Variants in SND1 observed in about 807,000 individuals in gnomAD.
SND1 encodes the protein staphylococcal nuclease domain-containing protein 1.
In SND1, 38 loss-of-function variants were observed where a neutral mutation model predicts 121.7. The observed-to-expected ratio is 0.31, with a 90% confidence interval of 0.24 to 0.41. The LOEUF is 0.41. Ranked by LOEUF, SND1 falls within the 10% of genes least tolerant of loss-of-function variation. SND1 has a pLI of 1.00. For missense variants in SND1, 868 were observed against 1,184.6 expected (o/e 0.73, Z 3.92); for synonymous variants, 401 against 447.4 (o/e 0.90, Z 1.31).
In SND1 at chr7:127,985,699, GAATCCTCATCTTCCACAAC is replaced by G. The variant is rs1316805433; in HGVS notation, c.1670-5233_1670-5215del. ...ATGAGCACAAAGTGTTTTCATCATT[GAATCCTCATCTTCCACAAC>G]AATCCTCATCTTCCTGGCCCAGAGT... On this transcript the variant is annotated intron_variant, in intron 15 of 23. Coordinates refer to ENST00000354725, the MANE Select transcript of SND1 (RefSeq NM_014390.4). Among the ~76,000 whole-genome samples the G allele has an allele frequency of 3.9e-5, 6 of 152,302 alleles. No homozygotes were observed. The East Asian group carries it at 7.7e-4, about 20-fold the overall frequency.
chr7:128,081,437 C>CG lies in SND1; in HGVS notation c.2046_2047insG (p.Lys683GlufsTer7), dbSNP rs1348079615. On this transcript the variant is annotated frameshift_variant, in exon 18 of 24. Coordinates refer to ENST00000354725, the MANE Select transcript of SND1 (RefSeq NM_014390.4). LOFTEE classifies it high-confidence loss of function. ...AGGAGAAGGAGCGATCTGCTAGCTA[C>CG]AAGCCCGTGTTTGTGACTGAGATCA... is the stretch of plus-strand genomic sequence containing the variant. The CG allele has an allele frequency of 6.2e-7, 1 of 1,614,104 alleles. No homozygotes were observed.
intron 11 of SND1, among the ~76,000 whole-genome samples, chr7:127,819,697 A>G (rs1798512971): frequency 6.6e-6 from 1 of 152,198 alleles, no homozygotes; most frequent in African/African-American, 2.4e-5. Flanking sequence ...AGGAACCAGC[A>G]GGCCACCTCT....
chr7:127,887,857 C>T (rs746682980), intron 12 of SND1, 45 bp from the exon 13 acceptor site: 2 of 1,267,462 alleles, frequency 1.6e-6, no homozygotes, highest in East Asian at 2.3e-5. Context: ...TGACTGAGCC[C>T]CATATGCACT....
chr7:127,975,846 C>T (rs1802107965), intron 15 of SND1, among the ~76,000 whole-genome samples: 1 of 152,216 alleles, frequency 6.6e-6, no homozygotes, highest in South Asian at 2.1e-4. Context: ...CACTCTGACA[C>T]CCCCACAGAG....
At chr7:127,701,126 A>G in intron 4 of SND1, 37 bp from the exon 5 acceptor site, 1 of 1,605,122 alleles carries the variant, frequency 6.2e-7, no homozygotes. Context: ...CTGTTTGTGA[A>G]CTCACTAACC....
chr7:127,918,781 C>T (rs1161212350), intron 14 of SND1, among the ~76,000 whole-genome samples: 1 of 152,120 alleles, frequency 6.6e-6, no homozygotes, highest in Non-Finnish European at 1.5e-5. Flanking sequence ...AAATCACAGT[C>T]TATAATTATT....
intron 4 of SND1, among the ~76,000 whole-genome samples, chr7:127,699,764 A>G (rs1212493527): frequency 6.6e-6 from 1 of 152,216 alleles, no homozygotes; most frequent in African/African-American, 2.4e-5. Flanking sequence ...GGCTATAATA[A>G]TGCTGTTTTA....
chr7:127,688,497 C>A (rs574545227), intron 2 of SND1, among the ~76,000 whole-genome samples: 87 of 148,604 alleles, frequency 5.9e-4, no homozygotes, highest in Non-Finnish European at 1.0e-3. Flanking sequence ...TGCTTGAGCC[C>A]AGGACTTCAA....
At chr7:127,944,278 C>T (rs796138011) in intron 15 of SND1, among the ~76,000 whole-genome samples, 5 of 152,272 alleles carry the variant, frequency 3.3e-5, no homozygotes, top group South Asian at 2.1e-4. Context: ...TGGAATCTGG[C>T]GTAAGCAGCA....
intron 10 of SND1, among the ~76,000 whole-genome samples, chr7:127,730,071 C>T (rs1267780245): frequency 6.6e-6 from 1 of 152,158 alleles, no homozygotes; most frequent in East Asian, 1.9e-4. Flanking sequence ...TGCCTTCAAG[C>T]GATTCTCCTG....
At chr7:127,774,581 T>C (rs1184417682) in intron 10 of SND1, among the ~76,000 whole-genome samples, 1 of 140,194 alleles carries the variant, frequency 7.1e-6, no homozygotes, top group African/African-American at 2.6e-5. Context: ...TTTTTTATCA[T>C]TTTTTTTTTT....
intron 2 of SND1, among the ~76,000 whole-genome samples, chr7:127,687,906 T>C (rs1383075243): frequency 1.3e-5 from 2 of 152,038 alleles, no homozygotes; most frequent in South Asian, 2.1e-4. Flanking sequence ...TTGCCCAGCC[T>C]TGAGTTCCTG....
At position 127,704,741 on chromosome 7, in the gene SND1, G is replaced by A. The variant is rs148038205; in HGVS notation, c.841-98G>A. On this transcript the variant is annotated intron_variant, in intron 7 of 23. Coordinates refer to ENST00000354725, the MANE Select transcript of SND1 (RefSeq NM_014390.4). ...AAACAAACAAACAAACTGCAGACTA[G>A]TTTGTGACTGTGTTAATTGTGTCAG... is the stretch of plus-strand genomic sequence containing the variant. 5.9e-4 allele frequency: 587 copies of A among 1,001,882 alleles called. 1 individual carries two copies. The highest frequency in any genetic ancestry group is 1.2e-3 in the Middle Eastern group (6 of 4,896). 62.1% of individuals were successfully genotyped at this position (1,001,882 alleles called of 1,614,324 possible).
intron 13 of SND1, among the ~76,000 whole-genome samples, chr7:127,895,988 C>T (rs1414841482): frequency 6.6e-6 from 1 of 152,062 alleles, no homozygotes; most frequent in Non-Finnish European, 1.5e-5. Context: ...AGCTTTATCT[C>T]CTGTCTTGAC....
chr7:127,812,839 G>A (rs1474816105), intron 11 of SND1, among the ~76,000 whole-genome samples: 1 of 152,150 alleles, frequency 6.6e-6, no homozygotes, highest in Non-Finnish European at 1.5e-5. Flanking sequence ...CTAATCAGCT[G>A]TGTTAAGTAC....
intron 16 of SND1, among the ~76,000 whole-genome samples, chr7:128,016,893 C>A (rs1803236497): frequency 1.3e-5 from 2 of 152,182 alleles, no homozygotes; most frequent in African/African-American, 2.4e-5. Context: ...TGTTTTTGAT[C>A]CAGAAATTCT....
intron 15 of SND1, among the ~76,000 whole-genome samples, chr7:127,978,739 T>C (rs1307790406): frequency 6.6e-6 from 1 of 152,220 alleles, no homozygotes; most frequent in Non-Finnish European, 1.5e-5. Context: ...CTGTCACCTG[T>C]ACTGATAACT....
At chr7:128,087,914 C>G (rs1482595551) in intron 21 of SND1, among the ~76,000 whole-genome samples, 6 of 152,102 alleles carry the variant, frequency 3.9e-5, no homozygotes, top group African/African-American at 1.4e-4. Flanking sequence ...ATGTCCAGAT[C>G]CCCCGGGAGC....
Position 127,877,772 on chromosome 7 carries a change from T to A in SND1, c.1344-10130T>A, listed in dbSNP as rs114818903. Among the ~76,000 whole-genome samples the A allele has an allele frequency of 5.7e-3, 867 of 152,158 alleles. 10 individuals carry two copies. Among genetic ancestry groups the A allele is most frequent in the African/African-American group, 0.02 (826 of 41,512 alleles). On this transcript the variant is annotated intron_variant, in intron 12 of 23. Coordinates refer to ENST00000354725, the MANE Select transcript of SND1 (RefSeq NM_014390.4). ...AAAACCCCAGGTATCTTTGGTTTTG[T>A]TTCTTTTCTTCCCAAACTGAAGGGA... is the stretch of plus-strand genomic sequence containing the variant.
Sources: allele counts gnomAD v4.1 joint callset (sites outside exome capture counted in the v4.1 genomes callset), GRCh38; gene constraint gnomAD v4.1.1; transcripts MANE v1.5; gene names NCBI Gene and HGNC (gene_info 2026-07-23, HGNC 2026-07-21).